USP54: variants seen among roughly 807,000 people sequenced by gnomAD.
USP54 encodes the protein ubiquitin carboxyl-terminal hydrolase 54.
USP54 carries 87 observed loss-of-function variants against 170.5 expected under a neutral mutation model. The observed-to-expected ratio is 0.51, with a 90% confidence interval of 0.43 to 0.61. The LOEUF (loss-of-function observed/expected upper bound fraction) is 0.61, where lower values mean the gene tolerates loss of function less well. Among genes scored for constraint, USP54 ranks in the 20% least tolerant of loss-of-function variants. USP54 has a pLI of 0.00. For missense variants in USP54, 1,786 were observed against 2,047.8 expected (o/e 0.87, Z 2.47); for synonymous variants, 655 against 742.8 (o/e 0.88, Z 1.92).
intron 4 of USP54, among the ~76,000 whole-genome samples, chr10:73,547,854 TG>T (rs2068220556): frequency 6.6e-6 from 1 of 152,080 alleles, no homozygotes; most frequent in South Asian, 2.1e-4. Context: ...CCAAAAGCAA[TG>T]GCAATAAAAG....
At chr10:73,607,330 A>G (rs1468199553) in intron 1 of USP54, among the ~76,000 whole-genome samples, 2 of 81,802 alleles carry the variant, frequency 2.4e-5, no homozygotes, top group East Asian at 6.2e-4. Flanking sequence ...TAAAAAAAAA[A>G]AAAAAAGAAA....
chr10:73,523,382 A>T (rs1317002584), intron 17 of USP54, among the ~76,000 whole-genome samples: 1 of 152,246 alleles, frequency 6.6e-6, no homozygotes, highest in East Asian at 1.9e-4. Flanking sequence ...GGCTTTTAAT[A>T]GATGTGCCCC....
At chr10:73,538,940 G>A (rs955234858) in intron 10 of USP54, among the ~76,000 whole-genome samples, 1 of 152,066 alleles carries the variant, frequency 6.6e-6, no homozygotes. Context: ...ATCTTCAGGG[G>A]AAGACAAAAT....
intron 1 of USP54, among the ~76,000 whole-genome samples, chr10:73,576,963 T>G (rs1244657301): frequency 6.6e-6 from 1 of 152,218 alleles, no homozygotes; most frequent in Non-Finnish European, 1.5e-5. Context: ...ATCAGAGAGA[T>G]AATTTGGGTT....
At chr10:73,623,407 C>T (rs147250284) in intron 1 of USP54, among the ~76,000 whole-genome samples, 1 of 151,716 alleles carries the variant, frequency 6.6e-6, no homozygotes, top group Non-Finnish European at 1.5e-5. Flanking sequence ...AAAGAAAATT[C>T]TTACTTTGGG....
rs1200781923 is a variant in USP54 at position 73,624,572 on chromosome 10, C to A, written c.-18+995G>T. The stretch of plus-strand genomic sequence containing the variant: ...ACATAAAAAAATCCAGTTATATAAT[C>A]ACAAGAGAGTTATCCCTTTCAAATG... On this transcript the variant is annotated intron_variant, in intron 1 of 22. Transcript: ENST00000339859. 5 of 152,200 alleles carry A rather than the reference C, an allele frequency of 3.3e-5. No individual in the cohort carries two copies. The East Asian group carries it at 9.6e-4, about 29-fold the overall frequency. The allele number at this position is 152,200 out of a possible 1,614,324, so 9.4% of individuals were successfully genotyped here.
chr10:73,543,024 A>G lies in USP54; in HGVS notation c.483T>C (p.Phe161=). ...AGATGGAGCTAGAGTTCACCTGCTCAAACAATGTCATTGCAAATTTCTGAT... is the reference window on the plus strand; with the variant it reads ...AGATGGAGCTAGAGTTCACCTGCTCGAACAATGTCATTGCAAATTTCTGAT... The part of the protein sequence containing the change: ...ISHQKFAMTL[F]EQCVCTSCGA... The change falls in exon 6 of 24, where the codon TTT becomes TTC. Residue 161 remains phenylalanine (F), a synonymous_variant. Coordinates refer to ENST00000687698, the MANE Select transcript of USP54 (RefSeq NM_001391956.1). The G allele has an allele frequency of 6.2e-7, 1 of 1,614,020 alleles. No homozygotes were observed. Among genetic ancestry groups the G allele is most frequent in the East Asian group, 2.2e-5 (1 of 44,884 alleles).
At chr10:73,509,135 A>G (rs2059786818) in intron 20 of USP54, among the ~76,000 whole-genome samples, 2 of 147,694 alleles carry the variant, frequency 1.4e-5, no homozygotes, top group South Asian at 2.2e-4. Flanking sequence ...AAGACTTAAG[A>G]GCCTTATCAT....
At chr10:73,579,887 G>T (rs2076651936) in intron 1 of USP54, among the ~76,000 whole-genome samples, 1 of 152,026 alleles carries the variant, frequency 6.6e-6, no homozygotes, top group African/African-American at 2.4e-5. Flanking sequence ...AACATTATTA[G>T]CCATGAGGGA....
rs571052279 is a variant in USP54 at position 73,528,607 on chromosome 10, C to G, written c.2060+1073G>C. ...TTTTTGAGATGGAGCCTTGCTCTGT[C>G]GCCTAGGCTGGAGTTGCCATGGCAC... On this transcript the variant is annotated intron_variant, in intron 15 of 23. Coordinates refer to ENST00000687698, the MANE Select transcript of USP54 (RefSeq NM_001391956.1). Among the ~76,000 whole-genome samples the G allele has an allele frequency of 1.8e-3, 275 of 149,598 alleles. 2 individuals are homozygous for G. The highest frequency in any genetic ancestry group is 6.0e-3 in the African/African-American group (242 of 40,608).
chr10:73,569,817 G>A (rs1333729082), intron 4 of USP54, among the ~76,000 whole-genome samples: 1 of 145,942 alleles, frequency 6.9e-6, no homozygotes, highest in Admixed American at 7.0e-5. Context: ...TGAGTTGGGT[G>A]TGGTGGCATG....
intron 12 of USP54, among the ~76,000 whole-genome samples, 190 bp downstream of exon 12, chr10:73,534,410 C>A (rs185925487): frequency 1.3e-5 from 2 of 152,024 alleles, no homozygotes; most frequent in Non-Finnish European, 2.9e-5. Context: ...CGGAGTTTCA[C>A]CGTGTGTTAG....
At chr10:73,599,574 A>G (rs1317767354) in intron 1 of USP54, among the ~76,000 whole-genome samples, 1 of 152,186 alleles carries the variant, frequency 6.6e-6, no homozygotes, top group Non-Finnish European at 1.5e-5. Context: ...ATCATCAGCC[A>G]GTTAATTCAG....
At position 73,517,316 on chromosome 10, in the gene USP54, G is replaced by C; in HGVS notation, c.3110C>G (p.Pro1037Arg). ...QEKKDPANPS[P>R]VMPGIATSER... ...AGAGGTGGCTATTCCAGGCATCACC[G>C]GGGAGGGGTTAGCAGGATCCTTCTT... is the stretch of plus-strand genomic sequence containing the variant. Residue 1037 changes from proline (P) to arginine (R), a missense_variant, in exon 20 of 24, where the codon CCG (proline) becomes CGG (arginine). Coordinates refer to ENST00000687698, the MANE Select transcript of USP54 (RefSeq NM_001391956.1). The C allele has an allele frequency of 6.2e-7, 1 of 1,612,510 alleles. No individual in the cohort carries two copies. The highest frequency in any genetic ancestry group is 1.3e-5 in the African/African-American group (1 of 74,954).
At chr10:73,595,507 A>G (rs2078653747), upstream of USP54, among the ~76,000 whole-genome samples, 1 of 152,228 alleles carries the variant, frequency 6.6e-6, no homozygotes, top group African/African-American at 2.4e-5. Context: ...AGACCTGAGC[A>G]GCAAAATCAT....
chr10:73,618,807 G>A (rs1053794607), intron 1 of USP54, among the ~76,000 whole-genome samples: 1 of 149,266 alleles, frequency 6.7e-6, no homozygotes, highest in Non-Finnish European at 1.5e-5. Context: ...AGCTACTCAG[G>A]AGGCTGAGGC....
At chr10:73,549,993 G>A (rs1221795260) in intron 4 of USP54, among the ~76,000 whole-genome samples, 3 of 151,414 alleles carry the variant, frequency 2.0e-5, no homozygotes, top group African/African-American at 4.9e-5. Flanking sequence ...GTGTGATCTC[G>A]GCTCACTGTA....
At chr10:73,544,261 T>A (rs2067261042) in intron 5 of USP54, among the ~76,000 whole-genome samples, 1 of 152,216 alleles carries the variant, frequency 6.6e-6, no homozygotes, top group Non-Finnish European at 1.5e-5. Flanking sequence ...ATATTGCATT[T>A]TTCACTTTCC....
rs775755943 is a variant in USP54 at position 73,529,866 on chromosome 10, T to C, written c.1874A>G (p.Asp625Gly). The stretch of plus-strand genomic sequence containing the variant: ...GGGGCTTGGTCCACCAAATTTAATG[T>C]CGTAAGAAGGTGGCTTGCTTGGTTC... ...PDEPSKPPSYDIKFGGPSPQY... is the reference protein window; with the variant it reads ...PDEPSKPPSYGIKFGGPSPQY... Residue 625 changes from aspartate to glycine, a missense_variant, in exon 15 of 24, where the codon GAC (aspartate) becomes GGC (glycine). This residue lies in a region of USP54 where 1,418 missense variants were observed against 1,569.0 expected (regional missense o/e 0.90). Transcript: ENST00000687698. The C allele has an allele frequency of 5.8e-6, 9 of 1,561,672 alleles. No homozygotes were observed. Among genetic ancestry groups the C allele is most frequent in the Non-Finnish European group, 7.8e-6 (9 of 1,155,678 alleles).
Sources: gnomAD v4.1 joint callset for allele counts (sites outside exome capture counted in the v4.1 genomes callset) on GRCh38, gnomAD v4.1.1 for gene constraint, gnomAD v4.1.1 regional missense constraint, MANE v1.5 for transcripts, NCBI Gene and HGNC (gene_info 2026-07-23, HGNC 2026-07-21) for gene names.